NALF1: variants seen among roughly 807,000 people sequenced by gnomAD.
NALF1 encodes NALCN channel auxiliary factor 1.
Under a neutral mutation model 48.4 loss-of-function variants are expected in NALF1, and 3 were observed. The ratio of observed to expected loss-of-function variants is 0.06; its 90% CI spans 0.03 to 0.16. The LOEUF is 0.16. Ranked by LOEUF, NALF1 falls within the 10% of genes least tolerant of loss-of-function variation. The pLI is 1.00. For missense variants in NALF1, 526 were observed against 571.5 expected (o/e 0.92, Z 0.81); for synonymous variants, 262 against 245.7 (o/e 1.07, Z -0.62).
intron 1 of NALF1, among the ~76,000 whole-genome samples, chr13:107,269,666 C>A (rs572575401): frequency 2.4e-4 from 37 of 152,114 alleles, no homozygotes; most frequent in African/African-American, 8.7e-4. Flanking sequence ...AGCAAGTCAC[C>A]CAAAGATGTA....
chr13:107,271,385 C>T (rs560837323), intron 1 of NALF1, among the ~76,000 whole-genome samples: 7 of 152,192 alleles, frequency 4.6e-5, no homozygotes, highest in South Asian at 4.2e-4. Context: ...AGTCACAAGA[C>T]AGGAAATGTG....
chr13:107,852,072 G>A (rs1305616684), intron 1 of NALF1, among the ~76,000 whole-genome samples: 1 of 151,658 alleles, frequency 6.6e-6, no homozygotes, highest in Non-Finnish European at 1.5e-5. Flanking sequence ...AAAGTGCTGG[G>A]ATTACAGGTA....
At chr13:107,671,433 A>G (rs1422565836) in intron 1 of NALF1, among the ~76,000 whole-genome samples, 1 of 152,142 alleles carries the variant, frequency 6.6e-6, no homozygotes, top group Non-Finnish European at 1.5e-5. Context: ...AGTCAGATCT[A>G]TAGCTCATAA....
At chr13:107,606,102 T>C (rs2138428213) in intron 1 of NALF1, among the ~76,000 whole-genome samples, 2 of 152,266 alleles carry the variant, frequency 1.3e-5, no homozygotes, top group South Asian at 4.1e-4. Context: ...TAAATTCACA[T>C]GTACATTCAA....
At chr13:107,625,180 C>T (rs919404478) in intron 1 of NALF1, among the ~76,000 whole-genome samples, 2 of 152,054 alleles carry the variant, frequency 1.3e-5, no homozygotes, top group Non-Finnish European at 2.9e-5. Context: ...TTGATCTTAG[C>T]CTATCTCTAC....
At position 107,272,275 on chromosome 13, in the gene NALF1, C is replaced by T. The variant is rs1379284986; in HGVS notation, c.916-61520G>A. 2.3e-4 allele frequency among the ~76,000 whole-genome samples: 3 copies of T among 13,266 alleles called. 1 individual carries two copies. The highest frequency in any genetic ancestry group is 2.8e-3 in the Admixed American group (2 of 726). 8.7% of individuals were successfully genotyped at this position (13,266 alleles called of 152,430 possible). ...CAGGCCGGACTGCGGACTGCAGTGG[C>T]GCAATCTCGGCTCACTGCAAGCTCC... is the stretch of plus-strand genomic sequence containing the variant. On this transcript the variant is annotated intron_variant, in intron 1 of 2. Coordinates refer to ENST00000375915, the MANE Select transcript of NALF1 (RefSeq NM_001080396.3).
chr13:107,253,067 A>G (rs2138846271), intron 1 of NALF1, among the ~76,000 whole-genome samples: 1 of 152,206 alleles, frequency 6.6e-6, no homozygotes. Flanking sequence ...GTAAAATATT[A>G]GTGAGTATGA....
At chr13:107,820,315 T>A (rs1281251480) in intron 1 of NALF1, among the ~76,000 whole-genome samples, 1 of 152,240 alleles carries the variant, frequency 6.6e-6, no homozygotes, top group Non-Finnish European at 1.5e-5. Context: ...TATAGTCAGC[T>A]GGACTCGTTG....
chr13:107,845,267 C>T (rs1880140849), intron 1 of NALF1, among the ~76,000 whole-genome samples: 1 of 152,174 alleles, frequency 6.6e-6, no homozygotes, highest in Non-Finnish European at 1.5e-5. Context: ...CAGTGTAATG[C>T]TATTAGGCGG....
At chr13:107,710,788 CACATATATGTATATAT>C (rs1875559278) in intron 1 of NALF1, among the ~76,000 whole-genome samples, 1 of 91,794 alleles carries the variant, frequency 1.1e-5, no homozygotes, top group Non-Finnish European at 2.3e-5. Context: ...TGTGTATATA[CACATATATGTATATAT>C]ACATATATGT....
chr13:107,644,638 C>CACAT (rs1555314838), intron 1 of NALF1, among the ~76,000 whole-genome samples: 15 of 43,388 alleles, frequency 3.5e-4, no homozygotes, highest in South Asian at 1.8e-3. Context: ...TACATACATA[C>CACAT]ATACATACAT....
chr13:107,720,338 G>A (rs1457112231), intron 1 of NALF1, among the ~76,000 whole-genome samples: 34 of 151,870 alleles, frequency 2.2e-4, no homozygotes, highest in Admixed American at 2.2e-3. Flanking sequence ...GGTGAAACAC[G>A]TCTCTACTAA....
chr13:107,399,093 C>T (rs187244216), intron 1 of NALF1, among the ~76,000 whole-genome samples: 2 of 152,238 alleles, frequency 1.3e-5, no homozygotes, highest in East Asian at 1.9e-4. Flanking sequence ...ATAGATTGTG[C>T]GCACCGTATT....
chr13:107,782,262 C>G (rs1594262575), intron 1 of NALF1, among the ~76,000 whole-genome samples: 1 of 152,368 alleles, frequency 6.6e-6, no homozygotes, highest in Non-Finnish European at 1.5e-5. Flanking sequence ...GCTGTGTTGG[C>G]AGGGCTGGCT....
chr13:107,470,021 G>A (rs1317941008), intron 1 of NALF1, among the ~76,000 whole-genome samples: 1 of 151,960 alleles, frequency 6.6e-6, no homozygotes, highest in Admixed American at 6.6e-5. Context: ...GAGATTACAG[G>A]CATGAGCCAC....
At chr13:107,243,217 C>T (rs1159259449) in intron 1 of NALF1, among the ~76,000 whole-genome samples, 1 of 152,160 alleles carries the variant, frequency 6.6e-6, no homozygotes, top group East Asian at 1.9e-4. Context: ...GCGTCTATTT[C>T]CTTTCTTTGA....
At position 107,208,706 on chromosome 13, in the gene NALF1, C is replaced by A. The variant is rs145374286; in HGVS notation, c.1087+1878G>T. 3.2e-3 allele frequency among the ~76,000 whole-genome samples: 476 copies of A among 149,658 alleles called. 2 individuals are homozygous for A. The highest frequency in any genetic ancestry group is 0.011 in the African/African-American group (437 of 40,716). On this transcript the variant is annotated intron_variant, in intron 2 of 2. Transcript: ENST00000375915. ...ATGTCACAGACACCTCATTGTCCCA[C>A]AAGAAAAAAAAAATGAAGGCCTTAT... is the stretch of plus-strand genomic sequence containing the variant.
At chr13:107,644,858 G>A (rs1033880979) in intron 1 of NALF1, among the ~76,000 whole-genome samples, 19 of 151,576 alleles carry the variant, frequency 1.3e-4, no homozygotes, top group Non-Finnish European at 1.6e-4. Context: ...TCATACTGCT[G>A]TACAGCAAAA....
At chr13:107,766,205 G>GGACA (rs1435575924) in intron 1 of NALF1, among the ~76,000 whole-genome samples, 2 of 152,082 alleles carry the variant, frequency 1.3e-5, no homozygotes, top group Non-Finnish European at 2.9e-5. Flanking sequence ...GTCTCTCTGA[G>GGACA]GACAGTTCTT....
Sources: allele counts gnomAD v4.1 joint callset (sites outside exome capture counted in the v4.1 genomes callset), GRCh38; gene constraint gnomAD v4.1.1; transcripts MANE v1.5; gene names NCBI Gene and HGNC (gene_info 2026-07-23, HGNC 2026-07-21).